Variants in PPT1 observed in about 807,000 individuals in gnomAD.
The protein encoded by PPT1 is ceroid-palmitoyl-palmitoyl-protein thioesterase 1.
In PPT1, 24 loss-of-function variants were observed where a neutral mutation model predicts 44.0. The observed-to-expected ratio is 0.54, with a 90% CI of 0.39 to 0.77. PPT1 has a LOEUF of 0.77. PPT1 is among the 30% of genes least tolerant of loss of function. PPT1 has a pLI of 0.00. For synonymous variants in PPT1, 148 were observed against 140.2 expected (o/e 1.06, Z -0.39); for missense variants, 341 against 378.8 (o/e 0.90, Z 0.83).
At chr1:40,085,671 A>G (rs955010847) in intron 5 of PPT1, among the ~76,000 whole-genome samples, 2 of 152,158 alleles carry the variant, frequency 1.3e-5, no homozygotes, top group African/African-American at 4.8e-5. Context: ...GACTCAAATG[A>G]TTAGCATTTT....
intron 8 of PPT1, 183 bp downstream of exon 8, chr1:40,076,659 G>A (rs1648646675): frequency 9.7e-6 from 14 of 1,438,598 alleles, no homozygotes; most frequent in Admixed American, 2.7e-5. Flanking sequence ...TGCCTAATAA[G>A]CTAGAGCACA....
chr1:40,092,026 A>G lies in PPT1; in HGVS notation c.362+19T>C, dbSNP rs558442488. ...ATCAATTCCATATAAGTGGTACAATATAACAAAAAGGAACGTACAGAAATT... is the reference window on the plus strand; with the variant it reads ...ATCAATTCCATATAAGTGGTACAATGTAACAAAAAGGAACGTACAGAAATT... On this transcript the variant is annotated intron_variant, in intron 3 of 8. Transcript: ENST00000642050. 13 of 1,613,854 alleles carry G rather than the reference A, an allele frequency of 8.1e-6. No homozygotes were observed. Among genetic ancestry groups the G allele is most frequent in the Middle Eastern group, 1.6e-4 (1 of 6,062 alleles).
At chr1:40,087,367 G>A (rs775752846) in intron 5 of PPT1, among the ~76,000 whole-genome samples, 3 of 151,726 alleles carry the variant, frequency 2.0e-5, no homozygotes, top group Admixed American at 6.6e-5. Context: ...CTCAGCCTCC[G>A]GAGTGGCTGA....
intron 3 of PPT1, 84 bp from the exon 4 acceptor site, chr1:40,091,483 T>G: frequency 7.9e-7 from 1 of 1,264,530 alleles, no homozygotes; most frequent in Non-Finnish European, 1.1e-6. Flanking sequence ...AAGCTAGTCA[T>G]CCTCTGTGAC....
Position 40,089,453 on chromosome 1 carries a change from T to C in PPT1, c.493A>G (p.Lys165Glu). ...GAGTACGCCCCAGCATTCAGTGTTT[T>C]TCGGATGAAGTCACAGATGTGAGAG... ...ESSHICDFIR[K>E]TLNAGAYSKV... The change falls in exon 5 of 9, where the codon AAA becomes GAA. Residue 165 changes from lysine to glutamate, a missense_variant. Transcript: ENST00000642050. 1.9e-6 allele frequency: 3 copies of C among 1,614,068 alleles called. No individual in the cohort carries two copies. The highest frequency in any genetic ancestry group is 2.5e-6 in the Non-Finnish European group (3 of 1,180,024).
chr1:40,091,389 C>T lies in PPT1; in HGVS notation c.373G>A (p.Ala125Thr). 3 of 1,613,624 alleles carry T rather than the reference C, an allele frequency of 1.9e-6. No homozygotes were observed. Among genetic ancestry groups the T allele is most frequent in the Non-Finnish European group, 2.5e-6 (3 of 1,179,660 alleles). The change falls in exon 4 of 9, where the codon GCT (alanine) becomes ACT (threonine). Residue 125 changes from alanine (A) to threonine (T), a missense_variant. Physicochemically the swap from Ala to Thr is moderately conservative, Grantham distance 58. Coordinates refer to ENST00000642050, the MANE Select transcript of PPT1 (RefSeq NM_000310.4). ...ATGGGAGGTGAAGGGCATCTCTGAG[C>T]CACTGCCCTCCTACGGAATAAAAGG... The part of the protein sequence containing the change: ...SQGGQFLRAV[A>T]QRCPSPPMIN...
In PPT1 at chr1:40,082,634, G is replaced by A. The variant is rs144629642; in HGVS notation, c.537-2147C>T. On this transcript the variant is annotated intron_variant, in intron 5 of 8. Transcript: ENST00000642050. ...TTCAATGAAGGCTGAGAGAGGTGAG[G>A]AAGCTGCAGAAAAAAAGTGTGAAGC... 2.4e-3 allele frequency among the ~76,000 whole-genome samples: 373 copies of A among 152,300 alleles called. 3 individuals are homozygous for A. The highest frequency in any genetic ancestry group is 4.1e-3 in the Non-Finnish European group (279 of 68,026).
intron 8 of PPT1, among the ~76,000 whole-genome samples, chr1:40,075,690 G>A (rs554241807): frequency 1.5e-4 from 23 of 152,022 alleles, no homozygotes; most frequent in Admixed American, 3.3e-4. Flanking sequence ...AGGGCTGGGC[G>A]TGGTGGCTCA....
intron 1 of PPT1, 184 bp downstream of exon 1, chr1:40,096,913 TTCCCCTTCTCTCTTTCCA>T: frequency 2.2e-6 from 2 of 909,368 alleles, no homozygotes; most frequent in Non-Finnish European, 3.4e-6. Flanking sequence ...CTCTCTTTCC[TTCCCCTTCTCTCTTTCCA>T]GTGAAGGGGA....
chr1:40,083,599 A>T (rs1180002263), intron 5 of PPT1, among the ~76,000 whole-genome samples: 2 of 152,232 alleles, frequency 1.3e-5, no homozygotes, highest in Admixed American at 1.3e-4. Flanking sequence ...TGCCTGCCAC[A>T]GCACATCCAT....
intron 7 of PPT1, among the ~76,000 whole-genome samples, chr1:40,077,360 C>T (rs1000904542): frequency 6.6e-6 from 1 of 152,160 alleles, no homozygotes; most frequent in Admixed American, 6.5e-5. Context: ...TCATTGCTGC[C>T]ACTGTAACAA....
At chr1:40,094,856 G>C (rs1323433391) in intron 1 of PPT1, among the ~76,000 whole-genome samples, 1 of 152,126 alleles carries the variant, frequency 6.6e-6, no homozygotes, top group Non-Finnish European at 1.5e-5. Context: ...AACTGCCTCT[G>C]CCTCCCCTGT....
intron 4 of PPT1, among the ~76,000 whole-genome samples, chr1:40,091,000 T>C (rs1484661149): frequency 6.6e-6 from 1 of 152,224 alleles, no homozygotes; most frequent in Non-Finnish European, 1.5e-5. Flanking sequence ...TTCAAGAGGA[T>C]ACCACCAAAT....
At chr1:40,091,952 G>A (rs893633483) in intron 3 of PPT1, 93 bp downstream of exon 3, 2 of 1,475,168 alleles carry the variant, frequency 1.4e-6, no homozygotes, top group Non-Finnish European at 1.9e-6. Flanking sequence ...CAAGATAGGT[G>A]ACAATCTTGA....
chr1:40,089,148 G>C (rs554061643), intron 5 of PPT1, among the ~76,000 whole-genome samples: 1 of 152,020 alleles, frequency 6.6e-6, no homozygotes, highest in Admixed American at 6.6e-5. Context: ...TTAGCCAGGC[G>C]TAGTGGCGCA....
Position 40,083,945 on chromosome 1 carries a change from C to T in PPT1, c.537-3458G>A, listed in dbSNP as rs549538642. Reference sequence around the variant, plus strand: ...CACCTGTAGTCCCAGCTGCTCAGGACGCTGAGGTGGGAGGATTGCTTGAGC... The same window carrying T: ...CACCTGTAGTCCCAGCTGCTCAGGATGCTGAGGTGGGAGGATTGCTTGAGC... On this transcript the variant is annotated intron_variant, in intron 5 of 8. Coordinates refer to ENST00000642050, the MANE Select transcript of PPT1 (RefSeq NM_000310.4). 1.9e-4 allele frequency among the ~76,000 whole-genome samples: 29 copies of T among 152,034 alleles called. No homozygotes were observed. The South Asian group carries it at 4.2e-3, about 22-fold the overall frequency.
chr1:40,088,447 C>A (rs1388142257), intron 5 of PPT1, among the ~76,000 whole-genome samples: 1 of 152,138 alleles, frequency 6.6e-6, no homozygotes, highest in African/African-American at 2.4e-5. Flanking sequence ...GCCCGGCCCA[C>A]AACTTCTAAG....
intron 5 of PPT1, among the ~76,000 whole-genome samples, chr1:40,082,748 G>T (rs559163442): frequency 6.6e-6 from 1 of 152,240 alleles, no homozygotes; most frequent in Non-Finnish European, 1.5e-5. Flanking sequence ...TGATGTAGAA[G>T]CTGCAGTAAG....
At chr1:40,091,688 AC>A (rs1649570326) in intron 3 of PPT1, among the ~76,000 whole-genome samples, 1 of 151,982 alleles carries the variant, frequency 6.6e-6, no homozygotes, top group Non-Finnish European at 1.5e-5. Flanking sequence ...ACATGGTAAA[AC>A]CCCATCTCTA....
Sources: allele counts gnomAD v4.1 joint callset (sites outside exome capture counted in the v4.1 genomes callset), GRCh38; gene constraint gnomAD v4.1.1; transcripts MANE v1.5; gene names NCBI Gene and HGNC (gene_info 2026-07-23, HGNC 2026-07-21).